The following EPHA6 variants were observed in gnomAD, a reference collection of about 807,000 sequenced individuals.
The protein encoded by EPHA6 is ephrin type-A receptor 6.
A neutral mutation model predicts 112.0 loss-of-function variants in EPHA6; 50 were observed. The observed-to-expected ratio is 0.45, with a 90% CI of 0.36 to 0.56. The LOEUF (loss-of-function observed/expected upper bound fraction) is 0.56, where lower values mean the gene tolerates loss of function less well. Among genes scored for constraint, EPHA6 ranks in the 20% least tolerant of loss-of-function variants. EPHA6 has a pLI of 0.00. For missense variants in EPHA6, 1,280 were observed against 1,417.4 expected (o/e 0.90, Z 1.56); for synonymous variants, 529 against 490.7 (o/e 1.08, Z -1.03).
rs116356824 is a variant in EPHA6 at position 96,966,756 on chromosome 3, A to C, written c.451-20574A>C. On this transcript the variant is annotated intron_variant, in intron 2 of 17. Transcript: ENST00000389672. ...AATGACATATTTTTATGCTCACACA[A>C]GGAAAGTAACATTCTCTTTTACAAT... Among the ~76,000 whole-genome samples the C allele has an allele frequency of 5.5e-3, 835 of 152,190 alleles. 7 individuals are homozygous for C. The highest frequency in any genetic ancestry group is 0.02 in the African/African-American group (814 of 41,560).
chr3:97,591,960 A>G (rs1004718828), intron 11 of EPHA6, among the ~76,000 whole-genome samples: 6 of 152,182 alleles, frequency 3.9e-5, no homozygotes, highest in Admixed American at 3.3e-4. Context: ...GATTCATTAT[A>G]TAATTTTATG....
chr3:97,747,105 A>G (rs2035748584), intron 16 of EPHA6, among the ~76,000 whole-genome samples: 1 of 151,862 alleles, frequency 6.6e-6, no homozygotes, highest in South Asian at 2.1e-4. Flanking sequence ...AAAGTATAAG[A>G]AGAAGGGGGA....
chr3:97,173,978 ATTCT>A (rs1392610129), intron 3 of EPHA6, among the ~76,000 whole-genome samples: 1 of 151,506 alleles, frequency 6.6e-6, no homozygotes, highest in Admixed American at 6.6e-5. Context: ...TGTCTTATTC[ATTCT>A]TTCTATTTTT....
intron 5 of EPHA6, among the ~76,000 whole-genome samples, chr3:97,338,607 T>C (rs1005094336): frequency 1.3e-5 from 2 of 152,162 alleles, no homozygotes; most frequent in Non-Finnish European, 2.9e-5. Flanking sequence ...ACTTCAAATA[T>C]TGCCCCACAG....
chr3:97,756,491 C>T lies in EPHA6; in HGVS notation c.*7790C>T, dbSNP rs373792064. ...TGATTGGAGCTTTTCAAAATTGCTGCTCTGCATGGAAAGTAAGGTTTAATG... is the reference window on the plus strand; with the variant it reads ...TGATTGGAGCTTTTCAAAATTGCTGTTCTGCATGGAAAGTAAGGTTTAATG... On this transcript the variant is annotated 3_prime_UTR_variant, in exon 18 of 18. Coordinates refer to ENST00000389672, the MANE Select transcript of EPHA6 (RefSeq NM_001080448.3). Among the ~76,000 whole-genome samples the T allele has an allele frequency of 2.3e-3, 349 of 151,994 alleles. 8 individuals are homozygous for T. In the South Asian group the frequency reaches 0.051, roughly 22 times the overall value.
At chr3:96,949,460 T>C (rs1576143478) in intron 2 of EPHA6, among the ~76,000 whole-genome samples, 1 of 152,238 alleles carries the variant, frequency 6.6e-6, no homozygotes, top group East Asian at 1.9e-4. Context: ...AGGTTAATAA[T>C]AATTAATGAC....
intron 5 of EPHA6, among the ~76,000 whole-genome samples, chr3:97,349,869 T>A (rs547232372): frequency 2.0e-5 from 3 of 152,138 alleles, no homozygotes; most frequent in East Asian, 1.9e-4. Context: ...TAAAAATTTT[T>A]AAAAAATGCT....
At chr3:97,746,376 AT>A (rs2035715757) in intron 16 of EPHA6, among the ~76,000 whole-genome samples, 1 of 151,842 alleles carries the variant, frequency 6.6e-6, no homozygotes, top group South Asian at 2.1e-4. Flanking sequence ...ATTTATTACT[AT>A]AAAAGCACTT....
chr3:96,882,607 C>T lies in EPHA6; in HGVS notation c.450+15718C>T, dbSNP rs149133657. ...GCTCCCATGTATCAGTGAGAACATACGATGTTTGGTTTCCCATTCCTGCAT... is the reference window on the plus strand; with the variant it reads ...GCTCCCATGTATCAGTGAGAACATATGATGTTTGGTTTCCCATTCCTGCAT... On this transcript the variant is annotated intron_variant, in intron 2 of 17. Coordinates refer to ENST00000389672, the MANE Select transcript of EPHA6 (RefSeq NM_001080448.3). 6.5e-3 allele frequency among the ~76,000 whole-genome samples: 983 copies of T among 152,190 alleles called. 7 individuals carry two copies. Among genetic ancestry groups the T allele is most frequent in the African/African-American group, 0.021 (884 of 41,514 alleles).
intron 3 of EPHA6, among the ~76,000 whole-genome samples, chr3:97,183,982 C>T (rs896216097): frequency 1.3e-5 from 2 of 152,012 alleles, no homozygotes; most frequent in Non-Finnish European, 2.9e-5. Flanking sequence ...TTTCACTGAA[C>T]ATTTTAAAAT....
intron 12 of EPHA6, among the ~76,000 whole-genome samples, chr3:97,603,375 A>G (rs530011230): frequency 8.3e-4 from 127 of 152,096 alleles, no homozygotes; most frequent in African/African-American, 2.8e-3. Context: ...ACAAATCTAG[A>G]TTAAGAAATG....
chr3:96,872,201 T>G (rs2107475698), intron 2 of EPHA6, among the ~76,000 whole-genome samples: 1 of 152,214 alleles, frequency 6.6e-6, no homozygotes, highest in East Asian at 1.9e-4. Flanking sequence ...CTTATAATCA[T>G]TTGCAGTAGG....
intron 5 of EPHA6, among the ~76,000 whole-genome samples, chr3:97,306,184 A>G (rs1448065817): frequency 1.3e-5 from 2 of 151,830 alleles, no homozygotes; most frequent in Non-Finnish European, 2.9e-5. Flanking sequence ...CTATCCCTCT[A>G]TCATGTGTAG....
chr3:97,123,644 G>A (rs1559742433), intron 3 of EPHA6, among the ~76,000 whole-genome samples: 2 of 152,128 alleles, frequency 1.3e-5, no homozygotes, highest in Non-Finnish European at 2.9e-5. Context: ...CAAAAGGATA[G>A]TTTGAATTCA....
intron 1 of EPHA6, among the ~76,000 whole-genome samples, chr3:96,843,771 G>T (rs2034897557): frequency 6.6e-6 from 1 of 151,996 alleles, no homozygotes; most frequent in South Asian, 2.1e-4. Context: ...TCATGGAACA[G>T]CCTTTGTTTA....
intron 2 of EPHA6, among the ~76,000 whole-genome samples, chr3:96,963,093 C>T (rs1045091065): frequency 2.1e-5 from 3 of 142,838 alleles, no homozygotes; most frequent in Admixed American, 7.3e-5. Context: ...GCTCAGGATG[C>T]GGAGGTTGCA....
intron 3 of EPHA6, among the ~76,000 whole-genome samples, chr3:97,117,394 T>G (rs906077097): frequency 1.3e-5 from 2 of 151,756 alleles, no homozygotes; most frequent in Non-Finnish European, 3.0e-5. Context: ...TATAAAATAT[T>G]TGTGTAGACC....
At position 96,917,823 on chromosome 3, in the gene EPHA6, A is replaced by T. The variant is rs116108442; in HGVS notation, c.450+50934A>T. 2.9e-3 allele frequency among the ~76,000 whole-genome samples: 444 copies of T among 152,272 alleles called. 1 individual carries two copies. The highest frequency in any genetic ancestry group is 9.7e-3 in the African/African-American group (405 of 41,580). Reference sequence around the variant, plus strand: ...CAGCCTCCCCGGGTGAGAAGGAACCAGTGTAAGAACTCTGGCTTCATGAAA... The same window carrying T: ...CAGCCTCCCCGGGTGAGAAGGAACCTGTGTAAGAACTCTGGCTTCATGAAA... On this transcript the variant is annotated intron_variant, in intron 2 of 17. Transcript: ENST00000389672.
chr3:97,201,553 C>A (rs1417657745), intron 3 of EPHA6, among the ~76,000 whole-genome samples: 1 of 152,034 alleles, frequency 6.6e-6, no homozygotes, highest in Admixed American at 6.6e-5. Context: ...CATACGAACA[C>A]TATTTATTAA....
Sources: allele counts gnomAD v4.1 joint callset (sites outside exome capture counted in the v4.1 genomes callset), GRCh38; gene constraint gnomAD v4.1.1; transcripts MANE v1.5; gene names NCBI Gene and HGNC (gene_info 2026-07-23, HGNC 2026-07-21).